MBP: variants seen among roughly 807,000 people sequenced by gnomAD.
MBP encodes the protein Golli-MBP.
Under a neutral mutation model 35.8 loss-of-function variants are expected in MBP, and 16 were observed. That is an observed-to-expected ratio of 0.45 (90% CI 0.30 to 0.68). The LOEUF is 0.68. MBP is among the 30% of genes least tolerant of loss of function. MBP has a pLI of 0.08. For synonymous variants in MBP, 143 were observed against 159.6 expected (o/e 0.90, Z 0.78); for missense variants, 380 against 404.7 (o/e 0.94, Z 0.52).
At chr18:77,021,524 C>A (rs1411918795) in intron 3 of MBP, among the ~76,000 whole-genome samples, 2 of 149,184 alleles carry the variant, frequency 1.3e-5, no homozygotes, top group Non-Finnish European at 3.0e-5. Context: ...CACTCTGTCG[C>A]CCAGGTTGGA....
intron 4 of MBP, chr18:77,003,713 T>C (rs567317208): frequency 6.6e-6 from 1 of 152,338 alleles, no homozygotes; most frequent in East Asian, 1.9e-4. Flanking sequence ...CTAGATGAAA[T>C]AGATGCACCT....
chr18:77,021,742 C>A (rs1971997100), intron 3 of MBP, among the ~76,000 whole-genome samples: 2 of 152,200 alleles, frequency 1.3e-5, no homozygotes, highest in Admixed American at 6.5e-5. Context: ...CTCGGCCCCG[C>A]AAAGTGCTTG....
intron 3 of MBP, among the ~76,000 whole-genome samples, chr18:77,053,380 G>A (rs1973587841): frequency 6.6e-6 from 1 of 152,374 alleles, no homozygotes; most frequent in Middle Eastern, 3.4e-3. Flanking sequence ...CAGCCAAGAC[G>A]CCAGTGTCAG....
intron 2 of MBP, chr18:77,068,958 C>T (rs746637110): frequency 1.7e-5 from 8 of 466,430 alleles, no homozygotes; most frequent in Admixed American, 6.8e-5. Flanking sequence ...GGCCTCACCT[C>T]GGGGACTCTG....
chr18:77,068,760 T>A lies in MBP; in HGVS notation c.52-2375A>T, dbSNP rs188275375. On this transcript the variant is annotated intron_variant, in intron 2 of 8. Transcript: ENST00000355994. ...AAATGCAGAGAATGTTCAAACTCAC[T>A]AGTAATCAGAGAAATACAGAGCGAA... is the stretch of plus-strand genomic sequence containing the variant. 2.8e-3 allele frequency among the ~76,000 whole-genome samples: 428 copies of A among 152,288 alleles called. 2 individuals are homozygous for A. The highest frequency in any genetic ancestry group is 3.1e-3 in the Non-Finnish European group (209 of 68,026).
rs577481628 is a variant in MBP, at chr18:76,986,467, C to G, written c.751-1573G>C. 5.4e-5 allele frequency: 53 copies of G among 985,524 alleles called. No homozygotes were observed. In the Admixed American group the frequency reaches 1.2e-3, roughly 22 times the overall value. 61.0% of individuals were successfully genotyped at this position (985,524 alleles called of 1,614,324 possible). On this transcript the variant is annotated intron_variant, in intron 7 of 8. Coordinates refer to ENST00000355994, the MANE Select transcript of MBP (RefSeq NM_001025101.2). ...TCAGCCTCTGCTGGGGGCTTCCCAC[C>G]ATACAAGCTACTTGCACAGTTTTCT... is the stretch of plus-strand genomic sequence containing the variant.
chr18:77,084,303 G>A (rs907190074), intron 2 of MBP, among the ~76,000 whole-genome samples: 5 of 151,890 alleles, frequency 3.3e-5, no homozygotes, highest in Non-Finnish European at 7.4e-5. Context: ...ATGAAGCCAG[G>A]GAAGGCCACG....
intron 2 of MBP, among the ~76,000 whole-genome samples, chr18:77,073,869 C>T (rs1376416474): frequency 1.3e-5 from 2 of 152,228 alleles, no homozygotes; most frequent in African/African-American, 2.4e-5. Flanking sequence ...AACCCAACTT[C>T]ACACATTTTA....
At chr18:77,123,354 A>C (rs1430698417) in intron 1 of MBP, among the ~76,000 whole-genome samples, 1 of 152,254 alleles carries the variant, frequency 6.6e-6, no homozygotes, top group African/African-American at 2.4e-5. Flanking sequence ...TGCAAATAAA[A>C]ATAAACTGTC....
intron 4 of MBP, among the ~76,000 whole-genome samples, chr18:77,009,346 GACAGAGCCC>G (rs1323902306): frequency 6.6e-6 from 1 of 152,244 alleles, no homozygotes; most frequent in African/African-American, 2.4e-5. Context: ...CTCAGGTGAG[GACAGAGCCC>G]AGAGAGACCA....
intron 1 of MBP, among the ~76,000 whole-genome samples, chr18:77,106,427 C>T (rs1040617128): frequency 6.6e-6 from 1 of 152,130 alleles, no homozygotes; most frequent in Non-Finnish European, 1.5e-5. Context: ...GGAAGGATTG[C>T]TGAGAAGAGA....
chr18:77,047,150 A>G (rs903707821), intron 3 of MBP, among the ~76,000 whole-genome samples: 1 of 152,260 alleles, frequency 6.6e-6, no homozygotes, highest in South Asian at 2.1e-4. Context: ...TGCCCAAGAG[A>G]ACCGCAGACC....
intron 4 of MBP, chr18:77,005,783 C>G (rs1802189129): frequency 6.6e-6 from 1 of 152,574 alleles, no homozygotes; most frequent in African/African-American, 2.4e-5. Context: ...CACTGCCCTC[C>G]CCAGCAGCTC....
At chr18:77,066,219 T>C (rs2144803841) in intron 3 of MBP, 79 bp downstream of exon 3, 1 of 1,067,556 alleles carries the variant, frequency 9.4e-7, no homozygotes, top group South Asian at 1.3e-5. Flanking sequence ...AATAAAAAAA[T>C]CAAAGGCTTC....
chr18:77,066,234 AGTGAGAGTGCAGG>A (rs1273554813), intron 3 of MBP, 51 bp downstream of exon 3: 18 of 1,207,508 alleles, frequency 1.5e-5, no homozygotes, highest in Middle Eastern at 3.8e-4. Context: ...GGCTTCCCCG[AGTGAGAGTGCAGG>A]TGCACGCTGT....
chr18:77,022,407 C>T (rs1246060290), intron 3 of MBP, among the ~76,000 whole-genome samples: 1 of 152,196 alleles, frequency 6.6e-6, no homozygotes, highest in Non-Finnish European at 1.5e-5. Flanking sequence ...TGGCACCGTT[C>T]TTCCATGACC....
At chr18:77,056,789 G>A (rs1024911965) in intron 3 of MBP, among the ~76,000 whole-genome samples, 3 of 152,172 alleles carry the variant, frequency 2.0e-5, no homozygotes, top group African/African-American at 7.2e-5. Context: ...ACCTGCAGCT[G>A]AGCACACAAC....
intron 2 of MBP, among the ~76,000 whole-genome samples, chr18:77,086,959 A>C (rs1403764836): frequency 6.6e-6 from 1 of 152,274 alleles, no homozygotes; most frequent in Admixed American, 6.5e-5. Context: ...CTTTTTAAAA[A>C]GACTAAAATT....
chr18:76,998,753 CG>C, intron 4 of MBP, among the ~76,000 whole-genome samples: 1 of 152,236 alleles, frequency 6.6e-6, no homozygotes, highest in African/African-American at 2.4e-5. Context: ...GTGTCTGCCC[CG>C]CTCTCCTGTG....
Sources: allele counts gnomAD v4.1 joint callset (sites outside exome capture counted in the v4.1 genomes callset), GRCh38; gene constraint gnomAD v4.1.1; transcripts MANE v1.5; gene names NCBI Gene and HGNC (gene_info 2026-07-23, HGNC 2026-07-21).